The following TRPS1 variants were observed in gnomAD, a reference collection of about 807,000 sequenced individuals.
The protein encoded by TRPS1 is transcriptional repressor GATA binding 1, also known as zinc finger transcription factor Trps1.
Under a neutral mutation model 101.2 loss-of-function variants are expected in TRPS1, and 6 were observed. The ratio of observed to expected loss-of-function variants is 0.06; its 90% CI spans 0.03 to 0.12. TRPS1 has a LOEUF of 0.12. TRPS1 is among the 10% of genes least tolerant of loss of function. The pLI, the probability that TRPS1 is intolerant of heterozygous loss-of-function variation, is 1.00. For synonymous variants in TRPS1, 578 were observed against 589.8 expected, an observed-to-expected ratio of 0.98 and a Z score of 0.29; for missense variants, 1,363 against 1,567.0, an observed-to-expected ratio of 0.87 and a Z score of 2.20.
rs745306549 is a variant in TRPS1 at position 115,619,605 on chromosome 8, C to T, written c.493G>A (p.Glu165Lys). 17 of 1,614,210 alleles carry T rather than the reference C, an allele frequency of 1.1e-5. No homozygotes were observed. Among genetic ancestry groups the T allele is most frequent in the Non-Finnish European group, 1.4e-5 (16 of 1,180,038 alleles). ...TPSGDSLETK[E>K]DQKMSPKATE... is the part of the protein sequence containing the mutation. ...GCCTTTGGTGACATCTTCTGATCTT[C>T]CTTTGTCTCCAGTGAGTCCCCTGAG... The change falls in exon 3 of 7, where the codon GAA becomes AAA. Residue 165 changes from glutamate to lysine, a missense_variant. Coordinates refer to ENST00000395715, the MANE Select transcript of TRPS1 (RefSeq NM_014112.5).
At chr8:115,637,925 T>C (rs557014467) in intron 1 of TRPS1, among the ~76,000 whole-genome samples, 2 of 152,320 alleles carry the variant, frequency 1.3e-5, no homozygotes, top group South Asian at 2.1e-4. Context: ...TGATCCATTA[T>C]AATTCTTAAG....
chr8:115,479,963 C>A (rs1430149131), intron 5 of TRPS1, among the ~76,000 whole-genome samples: 29 of 151,980 alleles, frequency 1.9e-4, no homozygotes, highest in Admixed American at 1.9e-3. Context: ...TTTTACTTCC[C>A]AATGAAGCAG....
chr8:115,508,734 CTTTCTCTTGTAACT>C (rs1278294722), intron 5 of TRPS1, among the ~76,000 whole-genome samples: 1 of 151,910 alleles, frequency 6.6e-6, no homozygotes, highest in Non-Finnish European at 1.5e-5. Context: ...GCTAGAAAAC[CTTTCTCTTGTAACT>C]TTGCTATGGT....
In TRPS1 at chr8:115,587,197, T is replaced by C. The variant is rs1410682998; in HGVS notation, c.2504A>G (p.Glu835Gly). The C allele has an allele frequency of 2.5e-6, 4 of 1,614,214 alleles. No individual in the cohort carries two copies. The highest frequency in any genetic ancestry group is 2.2e-5 in the South Asian group (2 of 91,088). ...ACTATCCCTTAGAGTCTTTGTCTGC[T>C]CTTGGGTGCCAGACACAGGCGTCAG... ...GLLTPVSGTQ[E>G]QTKTLRDSPN... The change falls in exon 5 of 7, where the codon GAG becomes GGG. Residue 835 changes from glutamate to glycine, a missense_variant. Physicochemically the swap from Glu to Gly is moderately conservative, Grantham distance 98 (BLOSUM62 -2). Around this residue, in one of 5 missense-constraint regions of TRPS1, gnomAD observed 1,020 missense variants for 1,073.0 expected, o/e 0.95. Transcript: ENST00000395715.
intron 5 of TRPS1, among the ~76,000 whole-genome samples, chr8:115,568,182 C>A (rs1817114291): frequency 6.6e-6 from 1 of 151,912 alleles, no homozygotes; most frequent in South Asian, 2.1e-4. Context: ...CCAGCAAAAA[C>A]CAAATGCCAG....
chr8:115,582,194 T>G (rs1012635489), intron 5 of TRPS1, among the ~76,000 whole-genome samples: 4 of 152,326 alleles, frequency 2.6e-5, no homozygotes, highest in Non-Finnish European at 5.9e-5. Context: ...ATAACTGGAA[T>G]TTTGCTTTCA....
intron 5 of TRPS1, among the ~76,000 whole-genome samples, chr8:115,437,584 C>G (rs1319813131): frequency 6.6e-6 from 1 of 152,260 alleles, no homozygotes; most frequent in African/African-American, 2.4e-5. Flanking sequence ...TTGGCACATA[C>G]GTCAAAAAAT....
intron 1 of TRPS1, among the ~76,000 whole-genome samples, chr8:115,643,780 C>T (rs1265782760): frequency 6.6e-6 from 1 of 152,150 alleles, no homozygotes; most frequent in Non-Finnish European, 1.5e-5. Context: ...TCACTTTGTC[C>T]AGATCCACCA....
chr8:115,498,565 T>C (rs1024309262), intron 5 of TRPS1, among the ~76,000 whole-genome samples: 3 of 151,302 alleles, frequency 2.0e-5, no homozygotes, highest in Non-Finnish European at 4.4e-5. Flanking sequence ...AAAATTTACT[T>C]ATATGGAAAC....
Position 115,614,518 on chromosome 8 carries a change from G to A in TRPS1, c.966+4614C>T, listed in dbSNP as rs182797798. On this transcript the variant is annotated intron_variant, in intron 3 of 6. Coordinates refer to ENST00000395715, the MANE Select transcript of TRPS1 (RefSeq NM_014112.5). ...CATCTCCACTGATGAAAATAACCTG[G>A]TAAATACCAGAACTTTGCCTTGCTT... Among the ~76,000 whole-genome samples the A allele has an allele frequency of 9.7e-4, 147 of 152,262 alleles. 1 individual carries two copies. Among genetic ancestry groups the A allele is most frequent in the South Asian group, 6.6e-3 (32 of 4,822 alleles).
At chr8:115,647,464 T>C (rs1202377931) in intron 1 of TRPS1, among the ~76,000 whole-genome samples, 1 of 152,190 alleles carries the variant, frequency 6.6e-6, no homozygotes, top group African/African-American at 2.4e-5. Flanking sequence ...AAAAATACAG[T>C]AGCCTTATAT....
chr8:115,607,652 ATAATAT>A (rs1222156003), intron 3 of TRPS1, among the ~76,000 whole-genome samples: 2 of 151,662 alleles, frequency 1.3e-5, no homozygotes, highest in Non-Finnish European at 2.9e-5. Flanking sequence ...ATATCGGTAA[ATAATAT>A]TAGTATTATA....
intron 5 of TRPS1, among the ~76,000 whole-genome samples, chr8:115,467,731 C>T (rs1370004802): frequency 5.9e-5 from 9 of 152,114 alleles, no homozygotes; most frequent in Admixed American, 5.9e-4. Context: ...GAAAGCAGTC[C>T]TGAACATAAA....
intron 1 of TRPS1, among the ~76,000 whole-genome samples, chr8:115,642,746 G>T (rs1319716923): frequency 6.6e-6 from 1 of 150,390 alleles, no homozygotes; most frequent in Non-Finnish European, 1.5e-5. Flanking sequence ...TCTAACCCCA[G>T]CAAAAACATT....
intron 3 of TRPS1, among the ~76,000 whole-genome samples, chr8:115,608,873 T>C (rs1000856204): frequency 3.4e-5 from 5 of 147,764 alleles, no homozygotes; most frequent in African/African-American, 1.3e-4. Context: ...AGAGGCAGGG[T>C]CTCAGTCTGT....
intron 5 of TRPS1, among the ~76,000 whole-genome samples, chr8:115,574,200 A>T (rs996488177): frequency 2.0e-5 from 3 of 152,202 alleles, no homozygotes; most frequent in African/African-American, 7.2e-5. Flanking sequence ...GACAACAAGA[A>T]ACTTTAGAGA....
intron 5 of TRPS1, among the ~76,000 whole-genome samples, chr8:115,540,080 T>C (rs1317345561): frequency 1.3e-5 from 2 of 152,228 alleles, no homozygotes; most frequent in Non-Finnish European, 2.9e-5. Context: ...CCACATTCTT[T>C]TCTCATTCCT....
chr8:115,469,732 T>A (rs557287022), intron 5 of TRPS1, among the ~76,000 whole-genome samples: 1 of 152,146 alleles, frequency 6.6e-6, no homozygotes, highest in Non-Finnish European at 1.5e-5. Context: ...TTTCACCATG[T>A]TGGCCAGGCT....
At chr8:115,585,665 AG>A (rs1817546336) in intron 5 of TRPS1, among the ~76,000 whole-genome samples, 1 of 152,168 alleles carries the variant, frequency 6.6e-6, no homozygotes, top group South Asian at 2.1e-4. Context: ...TATTCACTGG[AG>A]GGGAGTTCCC....
Sources: gnomAD v4.1 joint callset for allele counts (sites outside exome capture counted in the v4.1 genomes callset) on GRCh38, gnomAD v4.1.1 for gene constraint, gnomAD v4.1.1 regional missense constraint, MANE v1.5 for transcripts, NCBI Gene and HGNC (gene_info 2026-07-23, HGNC 2026-07-21) for gene names.